GOLIM4: variants seen among roughly 807,000 people sequenced by gnomAD.
GOLIM4 encodes golgi integral membrane protein 4.
In GOLIM4, 71 loss-of-function variants were observed where a neutral mutation model predicts 107.4. The observed-to-expected ratio is 0.66, with a 90% CI of 0.55 to 0.81. The LOEUF (loss-of-function observed/expected upper bound fraction) is 0.81, where lower values mean the gene tolerates loss of function less well. GOLIM4 is among the 30% of genes least tolerant of loss of function. The pLI is 0.00. For synonymous variants in GOLIM4, 327 were observed against 294.8 expected (o/e 1.11, Z -1.12); for missense variants, 830 against 826.1 (o/e 1.00, Z -0.06).
intron 14 of GOLIM4, among the ~76,000 whole-genome samples, chr3:168,011,262 G>C (rs944456840): frequency 2.6e-5 from 4 of 151,866 alleles, no homozygotes; most frequent in Admixed American, 6.5e-5. Context: ...TTCCCTTTCC[G>C]AGTCAAAGAA....
At chr3:168,094,998 G>A in intron 1 of GOLIM4, 101 bp downstream of exon 1, 2 of 848,962 alleles carry the variant, frequency 2.4e-6, no homozygotes. Context: ...GGTCAGAGGT[G>A]GCAACCACAG....
At chr3:168,030,110 G>A in intron 9 of GOLIM4, 74 bp from the exon 10 acceptor site, 1 of 1,445,206 alleles carries the variant, frequency 6.9e-7, no homozygotes, top group Admixed American at 1.8e-5. Context: ...TGTTTCTCCT[G>A]ACAAACTCAG....
In GOLIM4 at chr3:168,081,113, C is replaced by T. The variant is rs183734392; in HGVS notation, c.187+13986G>A. ...CCAGCATGAGATGAAGTCCTACTTA[C>T]ACCCCAGAATGCAGACAAGTCTGAA... On this transcript the variant is annotated intron_variant, in intron 1 of 15. Coordinates refer to ENST00000470487, the MANE Select transcript of GOLIM4 (RefSeq NM_014498.5). 2.3e-3 allele frequency among the ~76,000 whole-genome samples: 357 copies of T among 152,294 alleles called. 3 individuals are homozygous for T. The highest frequency in any genetic ancestry group is 8.1e-3 in the African/African-American group (337 of 41,556).
At chr3:168,022,428 G>A (rs968617437) in intron 14 of GOLIM4, among the ~76,000 whole-genome samples, 1 of 151,854 alleles carries the variant, frequency 6.6e-6, no homozygotes, top group African/African-American at 2.4e-5. Context: ...ATACACATAT[G>A]CACTTATAAA....
chr3:168,076,643 A>T (rs1300370129), intron 1 of GOLIM4, among the ~76,000 whole-genome samples: 4 of 152,194 alleles, frequency 2.6e-5, no homozygotes, highest in Non-Finnish European at 5.9e-5. Flanking sequence ...GTGAGCCAAG[A>T]TTGCACCACT....
chr3:168,082,043 T>C (rs1721395548), intron 1 of GOLIM4, among the ~76,000 whole-genome samples: 2 of 152,112 alleles, frequency 1.3e-5, no homozygotes, highest in Non-Finnish European at 2.9e-5. Flanking sequence ...AATTCCAAGA[T>C]GGACTTGAAA....
intron 1 of GOLIM4, among the ~76,000 whole-genome samples, chr3:168,050,996 T>G (rs1719610862): frequency 1.3e-5 from 2 of 152,142 alleles, no homozygotes; most frequent in African/African-American, 2.4e-5. Context: ...AAGCTGAATT[T>G]ACAAATTACA....
chr3:168,029,179 C>A, intron 11 of GOLIM4, 44 bp downstream of exon 11: 3 of 1,217,738 alleles, frequency 2.5e-6, no homozygotes, highest in Non-Finnish European at 3.7e-6. Context: ...ACAATGTTAT[C>A]AAGTAATTTA....
At chr3:168,012,252 C>G (rs1390076530) in intron 14 of GOLIM4, among the ~76,000 whole-genome samples, 1 of 136,788 alleles carries the variant, frequency 7.3e-6, no homozygotes. Context: ...GCAGAAGCCT[C>G]AGGAGCCGAT....
intron 4 of GOLIM4, among the ~76,000 whole-genome samples, chr3:168,043,979 T>A (rs910532034): frequency 6.6e-6 from 1 of 152,246 alleles, no homozygotes; most frequent in African/African-American, 2.4e-5. Context: ...AGAGAGTAAA[T>A]GAGACTTTTC....
Position 168,009,038 on chromosome 3 carries a change from C to CA in GOLIM4, c.*1230dup, listed in dbSNP as rs1280305463. ...GTTTTTATTAATTTGATTATTAATA[C>CA]AAAACCACACATATATGAATTATAT... On this transcript the variant is annotated 3_prime_UTR_variant, in exon 16 of 16. Coordinates refer to ENST00000470487, the MANE Select transcript of GOLIM4 (RefSeq NM_014498.5). 1 of 151,836 alleles carries CA rather than the reference C, an allele frequency of 6.6e-6. No individual in the cohort carries two copies. The highest frequency in any genetic ancestry group is 1.5e-5 in the Non-Finnish European group (1 of 67,908). 9.4% of individuals were successfully genotyped at this position (151,836 alleles called of 1,614,324 possible).
intron 1 of GOLIM4, among the ~76,000 whole-genome samples, chr3:168,078,388 C>G (rs1166833331): frequency 6.6e-6 from 1 of 152,064 alleles, no homozygotes; most frequent in South Asian, 2.1e-4. Context: ...TGCCATTTAT[C>G]TATAATAAAG....
intron 14 of GOLIM4, among the ~76,000 whole-genome samples, chr3:168,014,622 T>C (rs1717257477): frequency 2.2e-5 from 3 of 137,216 alleles, no homozygotes; most frequent in Admixed American, 1.4e-4. Flanking sequence ...TTGATGAACA[T>C]TGATGCAAAA....
chr3:168,051,547 T>C (rs142556297), intron 1 of GOLIM4, among the ~76,000 whole-genome samples: 1 of 152,206 alleles, frequency 6.6e-6, no homozygotes, highest in Non-Finnish European at 1.5e-5. Flanking sequence ...GAAATACTCA[T>C]GATTACATGC....
rs1343163212 is a variant in GOLIM4 at position 168,010,055 on chromosome 3, T to G, written c.*214A>C. 7.6e-6 allele frequency: 3 copies of G among 394,438 alleles called. No homozygotes were observed. The highest frequency in any genetic ancestry group is 1.3e-5 in the Non-Finnish European group (3 of 226,686). The allele number at this position is 394,438 out of a possible 1,614,324, so 24.4% of individuals were successfully genotyped here. A position where few individuals can be genotyped will look rare whatever the true frequency, so the allele number is the denominator to read the frequency against. ...AGGTTTACTTTATTGTTTTTCTTCT[T>G]TTTCATGTTTAGCTTGAATATAAAA... On this transcript the variant is annotated 3_prime_UTR_variant, in exon 16 of 16. Coordinates refer to ENST00000470487, the MANE Select transcript of GOLIM4 (RefSeq NM_014498.5).
rs896299897 is a variant in GOLIM4 at position 168,040,791 on chromosome 3, C to T, written c.679G>A (p.Ala227Thr). ...GAGGCTGCTACCCTTCTAACCTGTGCAGCAGCTAGTGCACTCTTGTGGTCT... is the reference window on the plus strand; with the variant it reads ...GAGGCTGCTACCCTTCTAACCTGTGTAGCAGCTAGTGCACTCTTGTGGTCT... ...LEDHKSALAA[A>T]QTQVAEYKQL... Residue 227 changes from alanine to threonine, a missense_variant, in exon 7 of 16, where the codon GCA (alanine) becomes ACA (threonine). Ala to Thr is a moderately conservative substitution (Grantham distance 58, BLOSUM62 0). Coordinates refer to ENST00000470487, the MANE Select transcript of GOLIM4 (RefSeq NM_014498.5). 3 of 1,602,644 alleles carry T rather than the reference C, an allele frequency of 1.9e-6. No individual in the cohort carries two copies. The highest frequency in any genetic ancestry group is 2.7e-5 in the African/African-American group (2 of 74,696).
chr3:168,023,887 T>C (rs1271305594), intron 14 of GOLIM4, among the ~76,000 whole-genome samples: 2 of 151,696 alleles, frequency 1.3e-5, no homozygotes, highest in Non-Finnish European at 2.9e-5. Context: ...TAAACGCTAC[T>C]TATATCTAAT....
chr3:168,029,571 C>A (rs534737721), intron 10 of GOLIM4, among the ~76,000 whole-genome samples: 1 of 152,066 alleles, frequency 6.6e-6, no homozygotes, highest in South Asian at 2.1e-4. Context: ...TATTTGGAGA[C>A]CTAACCTACC....
chr3:168,019,314 T>G (rs1038513261), intron 14 of GOLIM4, among the ~76,000 whole-genome samples: 2 of 152,210 alleles, frequency 1.3e-5, no homozygotes, highest in African/African-American at 4.8e-5. Context: ...TTTTCTATTT[T>G]TTACAGTGAA....
Sources: gnomAD v4.1 joint callset for allele counts (sites outside exome capture counted in the v4.1 genomes callset) on GRCh38, gnomAD v4.1.1 for gene constraint, MANE v1.5 for transcripts, NCBI Gene and HGNC (gene_info 2026-07-23, HGNC 2026-07-21) for gene names.